ANKIB1: variants seen among roughly 807,000 people sequenced by gnomAD.
ANKIB1 encodes the protein ankyrin repeat and IBR domain-containing protein 1.
ANKIB1 carries 43 observed loss-of-function variants against 122.1 expected under a neutral mutation model. That is an observed-to-expected ratio of 0.35 (90% CI 0.28 to 0.45). The LOEUF (loss-of-function observed/expected upper bound fraction) is 0.45. Ranked by LOEUF, ANKIB1 falls within the 20% of genes least tolerant of loss-of-function variation. ANKIB1 has a pLI of 1.00. For synonymous variants in ANKIB1, 390 were observed against 442.0 expected (o/e 0.88, Z 1.48); for missense variants, 992 against 1,329.5 (o/e 0.75, Z 3.95).
At chr7:92,362,356 A>G in intron 10 of ANKIB1, 83 bp downstream of exon 10, 5 of 1,299,310 alleles carry the variant, frequency 3.8e-6, no homozygotes, top group Non-Finnish European at 5.4e-6. Context: ...TTTAGTCTTT[A>G]TTTAAGAGGT....
At chr7:92,324,829 T>G (rs901409953) in intron 4 of ANKIB1, among the ~76,000 whole-genome samples, 22 of 152,240 alleles carry the variant, frequency 1.4e-4, no homozygotes, top group Non-Finnish European at 4.4e-5. Context: ...AAAATCCACC[T>G]CTTATTTCCA....
intron 4 of ANKIB1, among the ~76,000 whole-genome samples, chr7:92,323,124 A>G (rs1318990376): frequency 6.6e-6 from 1 of 152,210 alleles, no homozygotes; most frequent in Non-Finnish European, 1.5e-5. Flanking sequence ...TTTTAAAAGT[A>G]TAGTTCCTAT....
At chr7:92,338,465 T>G (rs1803341540) in intron 5 of ANKIB1, among the ~76,000 whole-genome samples, 1 of 151,006 alleles carries the variant, frequency 6.6e-6, no homozygotes, top group Non-Finnish European at 1.5e-5. Context: ...AATATATATG[T>G]TTTATTAAAT....
At chr7:92,379,675 A>C (rs926968664) in intron 11 of ANKIB1, among the ~76,000 whole-genome samples, 42 of 152,348 alleles carry the variant, frequency 2.8e-4, no homozygotes, top group South Asian at 2.3e-3. Context: ...TTGTGTGAGA[A>C]AGAATAAAGT....
intron 1 of ANKIB1, among the ~76,000 whole-genome samples, chr7:92,279,930 G>A (rs1020426380): frequency 3.3e-5 from 5 of 152,038 alleles, no homozygotes; most frequent in African/African-American, 9.7e-5. Context: ...CAGCCTCTAC[G>A]GGTCAGAATC....
intron 5 of ANKIB1, among the ~76,000 whole-genome samples, chr7:92,342,254 C>T (rs1479156331): frequency 7.9e-5 from 12 of 152,122 alleles, no homozygotes; most frequent in Non-Finnish European, 2.9e-5. Flanking sequence ...TAACTTCCTT[C>T]AGTCTTGATT....
chr7:92,310,311 T>C (rs1320970623), intron 3 of ANKIB1, among the ~76,000 whole-genome samples: 2 of 152,148 alleles, frequency 1.3e-5, no homozygotes, highest in Admixed American at 6.5e-5. Context: ...TACTATTAAA[T>C]ATAAAACATT....
At chr7:92,290,583 A>G (rs576245995) in intron 1 of ANKIB1, among the ~76,000 whole-genome samples, 23 of 152,176 alleles carry the variant, frequency 1.5e-4, no homozygotes, top group Non-Finnish European at 2.9e-4. Flanking sequence ...AATCAGTTAT[A>G]TACTTTTATA....
chr7:92,289,002 T>A lies in ANKIB1; in HGVS notation c.-90-5887T>A, dbSNP rs568029136. On this transcript the variant is annotated intron_variant, in intron 1 of 19. Coordinates refer to ENST00000265742, the MANE Select transcript of ANKIB1 (RefSeq NM_019004.2). ...ATGACTTAGTACATATCCCAGCAGTTCCACTCTTGGATATTTACTCAAGAG... is the reference window on the plus strand; with the variant it reads ...ATGACTTAGTACATATCCCAGCAGTACCACTCTTGGATATTTACTCAAGAG... 4.6e-5 allele frequency among the ~76,000 whole-genome samples: 7 copies of A among 152,316 alleles called. No homozygotes were observed. In the South Asian group the frequency reaches 1.2e-3, roughly 27 times the overall value.
chr7:92,354,833 C>T (rs530852016), intron 9 of ANKIB1, among the ~76,000 whole-genome samples: 4 of 152,006 alleles, frequency 2.6e-5, no homozygotes, highest in East Asian at 3.9e-4. Context: ...CGCAAAAAGA[C>T]GCTTTACAAG....
intron 5 of ANKIB1, among the ~76,000 whole-genome samples, chr7:92,340,950 C>A (rs546571900): frequency 5.3e-5 from 8 of 152,248 alleles, no homozygotes; most frequent in African/African-American, 1.9e-4. Flanking sequence ...TTTAAAAGAA[C>A]TGTAACACCC....
intron 1 of ANKIB1, among the ~76,000 whole-genome samples, chr7:92,285,090 C>T (rs555974197): frequency 5.9e-5 from 9 of 152,238 alleles, no homozygotes; most frequent in Admixed American, 4.6e-4. Flanking sequence ...TTTTTTGAGA[C>T]AGAGCCTTGC....
chr7:92,398,744 C>G lies in ANKIB1; in HGVS notation c.3065C>G (p.Ser1022Ter). Residue 1022 changes from serine (S) to a stop codon, truncating the protein, a stop_gained, in exon 20 of 20, where the codon TCA becomes TGA. Coordinates refer to ENST00000265742, the MANE Select transcript of ANKIB1 (RefSeq NM_019004.2). LOFTEE classifies it high-confidence loss of function. ...GTGGAACTGGTGCTGCCAGAAGATT[C>G]AATGTTTGAAGATGCCAGTGTCAGT... ...KDVELVLPED[S>*]MFEDASVSEG... 1 of 1,613,326 alleles carries G rather than the reference C, an allele frequency of 6.2e-7. No individual in the cohort carries two copies. Among genetic ancestry groups the G allele is most frequent in the Non-Finnish European group, 8.5e-7 (1 of 1,179,580 alleles).
intron 1 of ANKIB1, among the ~76,000 whole-genome samples, chr7:92,286,175 A>T (rs1241807150): frequency 1.3e-5 from 2 of 152,172 alleles, no homozygotes; most frequent in African/African-American, 4.8e-5. Flanking sequence ...GATTACCAGC[A>T]TGTGTACCTT....
At chr7:92,293,356 A>G (rs1281366713) in intron 1 of ANKIB1, among the ~76,000 whole-genome samples, 2 of 151,998 alleles carry the variant, frequency 1.3e-5, no homozygotes, top group East Asian at 1.9e-4. Flanking sequence ...TGTTGTTGTT[A>G]TTGTTGTTGT....
intron 1 of ANKIB1, among the ~76,000 whole-genome samples, chr7:92,259,524 G>A (rs1415711315): frequency 1.3e-5 from 2 of 152,002 alleles, no homozygotes; most frequent in African/African-American, 4.8e-5. Context: ...TTTTAAATCT[G>A]GAAAAATAAA....
rs564935427 is a variant in ANKIB1, at chr7:92,296,395, T to A, written c.188+1229T>A. 2.8e-4 allele frequency among the ~76,000 whole-genome samples: 43 copies of A among 152,254 alleles called. No homozygotes were observed. The South Asian group carries it at 8.9e-3, about 32-fold the overall frequency. ...CGGCCACCATAGCCAGCTAATATTTTGTGTGTTTTTTGTAGAGCTGGGATC... is the reference window on the plus strand; with the variant it reads ...CGGCCACCATAGCCAGCTAATATTTAGTGTGTTTTTTGTAGAGCTGGGATC... On this transcript the variant is annotated intron_variant, in intron 2 of 19. Coordinates refer to ENST00000265742, the MANE Select transcript of ANKIB1 (RefSeq NM_019004.2).
intron 6 of ANKIB1, among the ~76,000 whole-genome samples, chr7:92,344,201 T>TTG: frequency 1.6e-5 from 1 of 62,358 alleles, no homozygotes; most frequent in Non-Finnish European, 3.8e-5. Context: ...TGGTTTTTTT[T>TTG]TTTTTTTTTT....
chr7:92,325,869 G>A, intron 4 of ANKIB1: 1 of 423,908 alleles, frequency 2.4e-6, no homozygotes, highest in South Asian at 1.7e-5. Flanking sequence ...TAATGCAAAA[G>A]AGGTAATTTT....
Sources: gnomAD v4.1 joint callset for allele counts (sites outside exome capture counted in the v4.1 genomes callset) on GRCh38, gnomAD v4.1.1 for gene constraint, MANE v1.5 for transcripts, NCBI Gene and HGNC (gene_info 2026-07-23, HGNC 2026-07-21) for gene names.